The following SOS2 variants were observed in gnomAD, a reference collection of about 807,000 sequenced individuals.
SOS2 encodes the protein son of sevenless homolog 2.
In SOS2, 65 loss-of-function variants were observed where a neutral mutation model predicts 148.2. That is an observed-to-expected ratio of 0.44 (90% CI 0.36 to 0.54). The LOEUF (loss-of-function observed/expected upper bound fraction) is 0.54. Ranked by LOEUF, SOS2 falls within the 20% of genes least tolerant of loss-of-function variation. The pLI is 0.00. For synonymous variants in SOS2, 539 were observed against 537.1 expected (o/e 1.00, Z -0.05); for missense variants, 1,341 against 1,590.2 (o/e 0.84, Z 2.67).
rs371136933 is a variant in SOS2 at position 50,128,884 on chromosome 14, T to G, written c.3379+1077A>C. ...ATACTCCTGCCTCAGCCTCCCAAAG[T>G]GGTAGGATTACAGGTATGAGCCACT... On this transcript the variant is annotated intron_variant, in intron 21 of 22. Transcript: ENST00000216373. 2.8e-4 allele frequency among the ~76,000 whole-genome samples: 42 copies of G among 152,136 alleles called. 1 individual carries two copies. The East Asian group carries it at 7.7e-3, about 28-fold the overall frequency.
chr14:50,212,503 C>G (rs892490487), intron 1 of SOS2, among the ~76,000 whole-genome samples: 17 of 152,162 alleles, frequency 1.1e-4, no homozygotes, highest in African/African-American at 4.1e-4. Flanking sequence ...CAGTGAATAC[C>G]ACAAAAACGG....
At chr14:50,138,845 T>C (rs1457894021) in intron 17 of SOS2, 61 bp from the exon 18 acceptor site, 1 of 651,072 alleles carries the variant, frequency 1.5e-6, no homozygotes, top group Non-Finnish European at 2.4e-6. Context: ...ATTTAATCAA[T>C]TATTTGGGAA....
At chr14:50,130,445 A>G (rs1216487290) in intron 20 of SOS2, 56 bp downstream of exon 20, 75 of 1,460,598 alleles carry the variant, frequency 5.1e-5, no homozygotes, top group Non-Finnish European at 3.9e-5. Context: ...AAATGATAAG[A>G]ATTATCTGAG....
chr14:50,192,681 C>A (rs547775132), intron 4 of SOS2, among the ~76,000 whole-genome samples: 2 of 151,856 alleles, frequency 1.3e-5, no homozygotes, highest in South Asian at 2.1e-4. Flanking sequence ...CTGGCCAACA[C>A]GGCAAAACCC....
chr14:50,197,999 C>CTTTT (rs35683627), intron 4 of SOS2, among the ~76,000 whole-genome samples: 2 of 135,090 alleles, frequency 1.5e-5, no homozygotes, highest in Non-Finnish European at 3.2e-5. Flanking sequence ...GCTTTGCCAT[C>CTTTT]TTTTTTTTTT....
At chr14:50,128,860 T>C (rs915313530) in intron 21 of SOS2, among the ~76,000 whole-genome samples, 2 of 152,182 alleles carry the variant, frequency 1.3e-5, no homozygotes, top group African/African-American at 2.4e-5. Context: ...CCTCAAGTGA[T>C]ACTCCTGCCT....
intron 1 of SOS2, among the ~76,000 whole-genome samples, chr14:50,209,112 C>A (rs1039958573): frequency 6.6e-6 from 1 of 152,202 alleles, no homozygotes; most frequent in Non-Finnish European, 1.5e-5. Flanking sequence ...TGCCTTCAGA[C>A]TGATACTCAG....
chr14:50,146,651 C>T (rs1023995260), intron 14 of SOS2, among the ~76,000 whole-genome samples: 2 of 151,232 alleles, frequency 1.3e-5, no homozygotes, highest in East Asian at 3.9e-4. Flanking sequence ...TGTCTCAAAA[C>T]AAACAAACAA....
chr14:50,120,131 A>G, intron 22 of SOS2, 144 bp downstream of exon 22: 2 of 576,824 alleles, frequency 3.5e-6, no homozygotes, highest in South Asian at 2.4e-5. Context: ...TAAACAACTA[A>G]AAGTATTTTT....
chr14:50,203,905 G>C (rs75103453), intron 2 of SOS2, among the ~76,000 whole-genome samples: 2,031 of 149,148 alleles, frequency 0.014, 39 homozygotes, highest in African/African-American at 0.046. Flanking sequence ...ACTATGTTTT[G>C]AGTCCTCTCT....
chr14:50,135,865 T>C lies in SOS2; in HGVS notation c.2959-1626A>G, dbSNP rs186673153. Among the ~76,000 whole-genome samples the C allele has an allele frequency of 1.9e-3, 291 of 151,890 alleles. 2 individuals carry two copies. Among genetic ancestry groups the C allele is most frequent in the African/African-American group, 6.1e-3 (252 of 41,522 alleles). ...AATTTTTTGCTATTATAATAATTAT[T>C]TTTATTAACTCCTATATATAAATTT... On this transcript the variant is annotated intron_variant, in intron 18 of 22. Transcript: ENST00000216373.
chr14:50,166,492 G>C (rs1885170818), intron 8 of SOS2, among the ~76,000 whole-genome samples: 1 of 152,100 alleles, frequency 6.6e-6, no homozygotes, highest in Non-Finnish European at 1.5e-5. Context: ...GCCTCCTAAA[G>C]TGCTAGGATT....
At chr14:50,203,439 A>G (rs1422445202) in intron 2 of SOS2, among the ~76,000 whole-genome samples, 2 of 152,098 alleles carry the variant, frequency 1.3e-5, no homozygotes, top group African/African-American at 2.4e-5. Flanking sequence ...AGAAAATAAT[A>G]CCAATTTTAT....
intron 4 of SOS2, among the ~76,000 whole-genome samples, chr14:50,193,420 T>C (rs1018370555): frequency 2.0e-5 from 3 of 152,166 alleles, no homozygotes; most frequent in African/African-American, 7.2e-5. Flanking sequence ...TTTTCATTAG[T>C]AGTAACTTAT....
chr14:50,209,091 C>A (rs980700634), intron 1 of SOS2, among the ~76,000 whole-genome samples: 1 of 152,138 alleles, frequency 6.6e-6, no homozygotes, highest in African/African-American at 2.4e-5. Context: ...TGAGCTGGGA[C>A]ACCGGTCTTC....
chr14:50,145,637 T>C (rs745542120), intron 14 of SOS2, 41 bp from the exon 15 acceptor site: 5 of 1,285,196 alleles, frequency 3.9e-6, no homozygotes, highest in Non-Finnish European at 5.5e-6. Flanking sequence ...CTATAAAGGA[T>C]TTGTATTACT....
chr14:50,159,052 T>G (rs1208535001), intron 10 of SOS2, among the ~76,000 whole-genome samples: 2 of 151,970 alleles, frequency 1.3e-5, no homozygotes, highest in Non-Finnish European at 2.9e-5. Flanking sequence ...TAGCCGGGCA[T>G]TGTTGCGGGC....
At chr14:50,125,893 A>G (rs1883665071) in intron 21 of SOS2, among the ~76,000 whole-genome samples, 1 of 152,226 alleles carries the variant, frequency 6.6e-6, no homozygotes, top group Non-Finnish European at 1.5e-5. Flanking sequence ...ACAGATATCC[A>G]TACTACATGG....
intron 14 of SOS2, among the ~76,000 whole-genome samples, chr14:50,149,698 TACTA>T (rs1488775129): frequency 1.3e-5 from 2 of 152,156 alleles, no homozygotes; most frequent in African/African-American, 2.4e-5. Context: ...CTAGCATCCA[TACTA>T]ACTGACTTGA....
Sources: gnomAD v4.1 joint callset for allele counts (sites outside exome capture counted in the v4.1 genomes callset) on GRCh38, gnomAD v4.1.1 for gene constraint, MANE v1.5 for transcripts, NCBI Gene and HGNC (gene_info 2026-07-23, HGNC 2026-07-21) for gene names.